The following SGPP2 variants were observed in gnomAD, a reference collection of about 807,000 sequenced individuals.
SGPP2 encodes sphingosine 1-phosphate phosphohydrolase 2.
Under a neutral mutation model 33.9 loss-of-function variants are expected in SGPP2, and 30 were observed. That is an observed-to-expected ratio of 0.89 (90% CI 0.66 to 1.20). The LOEUF is 1.20. Among genes scored for constraint, SGPP2 ranks in the 50% most tolerant of loss-of-function variants. The pLI is 0.00. For synonymous variants in SGPP2, 233 were observed against 225.0 expected (o/e 1.04, Z -0.32); for missense variants, 458 against 532.1 (o/e 0.86, Z 1.37).
At chr2:222,456,037 C>T (rs190308295) in intron 1 of SGPP2, among the ~76,000 whole-genome samples, 3 of 152,122 alleles carry the variant, frequency 2.0e-5, no homozygotes, top group Non-Finnish European at 4.4e-5. Flanking sequence ...TATGACTGTG[C>T]CACTACACTC....
chr2:222,433,084 G>T (rs1409887161), intron 1 of SGPP2, among the ~76,000 whole-genome samples: 3 of 58,262 alleles, frequency 5.1e-5, no homozygotes, highest in African/African-American at 1.8e-4. Flanking sequence ...GAGGGGAGAC[G>T]AGAGGAGGGA....
chr2:222,424,365 G>A (rs1172359856), upstream of SGPP2, among the ~76,000 whole-genome samples: 1 of 152,062 alleles, frequency 6.6e-6, no homozygotes, highest in Non-Finnish European at 1.5e-5. Context: ...GTGGCCGCCC[G>A]GGGCCGCCCA....
Position 222,506,581 on chromosome 2 carries a change from T to C in SGPP2, c.379-15186T>C, listed in dbSNP as rs978938036. On this transcript the variant is annotated intron_variant, in intron 2 of 4. Coordinates refer to ENST00000321276, the MANE Select transcript of SGPP2 (RefSeq NM_152386.4). The stretch of plus-strand genomic sequence containing the variant: ...TTTATTGCAAGAATACAGTATATAA[T>C]ACATATAACAAACAAAATATGTGTT... Among the ~76,000 whole-genome samples, 3 of 152,210 alleles carry C rather than the reference T, an allele frequency of 2.0e-5. No individual in the cohort carries two copies. The East Asian group carries it at 5.8e-4, about 29-fold the overall frequency.
intron 1 of SGPP2, among the ~76,000 whole-genome samples, chr2:222,459,142 C>CTTTCTTTTTTTT (rs1414316448): frequency 3.1e-4 from 29 of 94,476 alleles, no homozygotes; most frequent in South Asian, 3.9e-4. Flanking sequence ...TTCTTTCTTT[C>CTTTCTTTTTTTT]TTTTTTTTTT....
At chr2:222,536,679 C>A (rs573158221) in intron 4 of SGPP2, among the ~76,000 whole-genome samples, 1 of 151,166 alleles carries the variant, frequency 6.6e-6, no homozygotes, top group East Asian at 1.9e-4. Flanking sequence ...GACTCTGTCT[C>A]CAAAAAAAAT....
chr2:222,524,428 T>C (rs1362584724), intron 3 of SGPP2, among the ~76,000 whole-genome samples: 1 of 152,234 alleles, frequency 6.6e-6, no homozygotes, highest in Non-Finnish European at 1.5e-5. Context: ...TGAGAGTCAG[T>C]AGAATCTGCA....
At chr2:222,522,046 G>T in intron 3 of SGPP2, 100 bp downstream of exon 3, 2 of 1,094,518 alleles carry the variant, frequency 1.8e-6, no homozygotes, top group African/African-American at 1.6e-5. Flanking sequence ...GGACCTTAAG[G>T]TTTATGAAAT....
chr2:222,558,473 T>G lies in SGPP2; in HGVS notation c.775T>G (p.Phe259Val). ...FPVCVIVVPF[F>V]LCYNYPVSDY... Reference sequence around the variant, plus strand: ...CGTGTGTGTCATAGTTGTGCCATTCTTCCTGTGTTACAATTACCCTGTTTC... The same window carrying G: ...CGTGTGTGTCATAGTTGTGCCATTCGTCCTGTGTTACAATTACCCTGTTTC... Residue 259 changes from phenylalanine to valine, a missense_variant, in exon 5 of 5, where the codon TTC becomes GTC. Coordinates refer to ENST00000321276, the MANE Select transcript of SGPP2 (RefSeq NM_152386.4). 6.2e-7 allele frequency: 1 copy of G among 1,614,224 alleles called. No individual in the cohort carries two copies. The highest frequency in any genetic ancestry group is 1.1e-5 in the South Asian group (1 of 91,086).
At chr2:222,533,861 G>A (rs1370958721) in intron 4 of SGPP2, among the ~76,000 whole-genome samples, 1 of 151,800 alleles carries the variant, frequency 6.6e-6, no homozygotes, top group South Asian at 2.1e-4. Context: ...TCTCACATTG[G>A]CTGCACCTGG....
chr2:222,554,412 G>A (rs946958499), intron 4 of SGPP2, among the ~76,000 whole-genome samples: 1 of 152,208 alleles, frequency 6.6e-6, no homozygotes, highest in African/African-American at 2.4e-5. Context: ...TATTTCCACT[G>A]TGATGCTATT....
intron 2 of SGPP2, among the ~76,000 whole-genome samples, chr2:222,517,409 G>GAGATCGGC (rs1012406750): frequency 6.6e-6 from 1 of 152,130 alleles, no homozygotes; most frequent in African/African-American, 2.4e-5. Context: ...AGTCGGAGAG[G>GAGATCGGC]AGATCGGCTG....
intron 4 of SGPP2, among the ~76,000 whole-genome samples, chr2:222,547,316 G>A (rs972690448): frequency 6.6e-6 from 1 of 152,166 alleles, no homozygotes; most frequent in African/African-American, 2.4e-5. Flanking sequence ...TGTCAAAGAT[G>A]ATGTTATAAC....
intron 2 of SGPP2, among the ~76,000 whole-genome samples, chr2:222,486,131 C>T (rs572190409): frequency 2.0e-5 from 3 of 152,178 alleles, no homozygotes; most frequent in East Asian, 1.9e-4. Flanking sequence ...GTAGTGGCCT[C>T]GATGGGCTGC....
In SGPP2 at chr2:222,477,587, G is replaced by GTA. The variant is rs777468171; in HGVS notation, c.378+2869_378+2870dup. ...TGTGAGTGTATGTATATAGGTGTGT[G>GTA]TATATATATGTGTGTGTGTGTGTTC... On this transcript the variant is annotated intron_variant, in intron 2 of 4. Coordinates refer to ENST00000321276, the MANE Select transcript of SGPP2 (RefSeq NM_152386.4). This position sits in a 1 kb window ranked among gnomAD's most constrained non-coding sequence, Gnocchi z 6.0. Among the ~76,000 whole-genome samples the GTA allele has an allele frequency of 5.0e-4, 76 of 152,022 alleles. No homozygotes were observed. The highest frequency in any genetic ancestry group is 8.4e-4 in the Non-Finnish European group (57 of 67,944).
At chr2:222,557,882 A>G (rs115829632) in intron 4 of SGPP2, among the ~76,000 whole-genome samples, 1,679 of 152,310 alleles carry the variant, frequency 0.011, 29 homozygotes, top group African/African-American at 0.038. Flanking sequence ...CATGTCCTCT[A>G]CATAACACTG....
rs1165268700 is a variant in SGPP2 at position 222,562,146 on chromosome 2, C to T, written c.*3248C>T. ...AACCTTGCTTTTGGGAACTGTGACA[C>T]CAAAGCCCCCAGGACTATCTGCCTC... is the stretch of plus-strand genomic sequence containing the variant. On this transcript the variant is annotated 3_prime_UTR_variant, in exon 5 of 5. Coordinates refer to ENST00000321276, the MANE Select transcript of SGPP2 (RefSeq NM_152386.4). 6.6e-6 allele frequency among the ~76,000 whole-genome samples: 1 copy of T among 152,120 alleles called. No individual in the cohort carries two copies.
In SGPP2 at chr2:222,561,634, C is replaced by T. The variant is rs1689543753; in HGVS notation, c.*2736C>T. On this transcript the variant is annotated 3_prime_UTR_variant, in exon 5 of 5. Coordinates refer to ENST00000321276, the MANE Select transcript of SGPP2 (RefSeq NM_152386.4). Reference sequence around the variant, plus strand: ...ATCAGCTATATTGATATATTTAAGGCTGTACTTAACTAATTTGGGCTGAGG... The same window carrying T: ...ATCAGCTATATTGATATATTTAAGGTTGTACTTAACTAATTTGGGCTGAGG... 6.6e-6 allele frequency among the ~76,000 whole-genome samples: 1 copy of T among 151,764 alleles called. No homozygotes were observed. The highest frequency in any genetic ancestry group is 1.5e-5 in the Non-Finnish European group (1 of 67,998).
chr2:222,548,790 A>T (rs1689244805), intron 4 of SGPP2, among the ~76,000 whole-genome samples: 1 of 152,226 alleles, frequency 6.6e-6, no homozygotes, highest in African/African-American at 2.4e-5. Context: ...AATCATTTAT[A>T]TTCATATTCA....
At chr2:222,433,552 G>A (rs1697190568) in intron 1 of SGPP2, among the ~76,000 whole-genome samples, 1 of 152,186 alleles carries the variant, frequency 6.6e-6, no homozygotes, top group Non-Finnish European at 1.5e-5. Context: ...ATCCTACCTG[G>A]TGAATGGAAG....
Sources: allele counts gnomAD v4.1 joint callset (sites outside exome capture counted in the v4.1 genomes callset), GRCh38; gene constraint gnomAD v4.1.1; non-coding constraint Gnocchi (gnomAD v3.1); transcripts MANE v1.5; gene names NCBI Gene and HGNC (gene_info 2026-07-23, HGNC 2026-07-21).